Variants in NOM1 observed in about 807,000 individuals in gnomAD.
NOM1 encodes the protein nucleolar MIF4G domain-containing protein 1.
Under a neutral mutation model 73.3 loss-of-function variants are expected in NOM1, and 58 were observed. The observed-to-expected ratio is 0.79, with a 90% confidence interval of 0.64 to 0.99. The LOEUF is 0.99. NOM1 is among the 50% of genes least tolerant of loss of function. The pLI is 0.00. For missense variants in NOM1, 1,226 were observed against 1,131.9 expected (o/e 1.08, Z -1.19); for synonymous variants, 487 against 446.8 (o/e 1.09, Z -1.14).
rs186992408 is a variant in NOM1 at position 156,965,525 on chromosome 7, G to A, written c.2034-745G>A. 1.9e-3 allele frequency among the ~76,000 whole-genome samples: 291 copies of A among 152,324 alleles called. 3 individuals are homozygous for A. Among genetic ancestry groups the A allele is most frequent in the Admixed American group, 2.6e-3 (40 of 15,298 alleles). ...CACGGGTGATGGAGAGTTCTGTTTCGGCATTGCCGGTGGTGACCTGACCAT... is the reference window on the plus strand; with the variant it reads ...CACGGGTGATGGAGAGTTCTGTTTCAGCATTGCCGGTGGTGACCTGACCAT... On this transcript the variant is annotated intron_variant, in intron 7 of 10. Transcript: ENST00000275820.
At position 156,959,765 on chromosome 7, in the gene NOM1, A is replaced by G; in HGVS notation, c.1309-86A>G. On this transcript the variant is annotated intron_variant, in intron 3 of 10. Coordinates refer to ENST00000275820, the MANE Select transcript of NOM1 (RefSeq NM_138400.2). The stretch of plus-strand genomic sequence containing the variant: ...TGCCCTGCCTTGTGGCACTTTGTTA[A>G]TTTAGAAAGTGCCAGTTCTGTGTGT... The G allele has an allele frequency of 3.0e-6, 4 of 1,321,764 alleles. No homozygotes were observed. The South Asian group carries it at 5.2e-5, about 17-fold the overall frequency. 81.9% of individuals were successfully genotyped at this position (1,321,764 alleles called of 1,614,324 possible). A position where few individuals can be genotyped will look rare whatever the true frequency, so the allele number is the denominator to read the frequency against.
At chr7:156,963,442 G>A (rs1173012734) in intron 6 of NOM1, 6 of 517,368 alleles carry the variant, frequency 1.2e-5, no homozygotes, top group African/African-American at 5.8e-5. Flanking sequence ...GAACGCTCAC[G>A]GGGCAGGAGT....
chr7:156,966,481 A>G (rs1805001739), intron 8 of NOM1, 79 bp downstream of exon 8: 19 of 1,546,154 alleles, frequency 1.2e-5, no homozygotes, highest in South Asian at 3.4e-5. Context: ...CCCACCTGCA[A>G]AGGAGTTCCC....
chr7:156,952,357 C>G, intron 1 of NOM1, 117 bp from the exon 2 acceptor site: 1 of 1,027,058 alleles, frequency 9.7e-7, no homozygotes, highest in Non-Finnish European at 1.4e-6. Flanking sequence ...CAGCAATGAT[C>G]AGTAGCAGCT....
chr7:156,958,359 C>T (rs540211630), intron 3 of NOM1, among the ~76,000 whole-genome samples: 2 of 152,344 alleles, frequency 1.3e-5, no homozygotes, highest in South Asian at 2.1e-4. Context: ...TCACACACTG[C>T]CATGCGTTGC....
Position 156,960,008 on chromosome 7 carries a change from A to C in NOM1, c.1466A>C (p.Lys489Thr). The C allele has an allele frequency of 6.2e-7, 1 of 1,614,146 alleles. No individual in the cohort carries two copies. Among genetic ancestry groups the C allele is most frequent in the Non-Finnish European group, 8.5e-7 (1 of 1,180,028 alleles). Reference protein sequence around the residue: ...QSLLIFDILKKLIGTFTEKDI... With the variant: ...QSLLIFDILKTLIGTFTEKDI... ...CTCCTCATCTTCGACATTTTGAAAAAACTGATTGGAACTTTCACCGAAAAA... is the reference window on the plus strand; with the variant it reads ...CTCCTCATCTTCGACATTTTGAAAACACTGATTGGAACTTTCACCGAAAAA... Residue 489 changes from lysine to threonine, a missense_variant, in exon 4 of 11, where the codon AAA (lysine) becomes ACA (threonine). Physicochemically the swap from Lys to Thr is moderately conservative, Grantham distance 78 (BLOSUM62 -1). Coordinates refer to ENST00000275820, the MANE Select transcript of NOM1 (RefSeq NM_138400.2).
chr7:156,961,274 G>T (rs923267811), intron 4 of NOM1, among the ~76,000 whole-genome samples: 1 of 152,190 alleles, frequency 6.6e-6, no homozygotes, highest in Non-Finnish European at 1.5e-5. Context: ...ATTCACGCCC[G>T]TGTGGGATGC....
rs139889366 is a variant in NOM1 at position 156,959,981 on chromosome 7, C to T, written c.1439C>T (p.Ser480Phe). 1.3e-5 allele frequency: 21 copies of T among 1,614,024 alleles called. No homozygotes were observed. The highest frequency in any genetic ancestry group is 1.8e-5 in the Non-Finnish European group (21 of 1,180,018). ...TTATACAACTTCCACGTGGTACAGT[C>T]TCTCCTCATCTTCGACATTTTGAAA... ...AHLYNFHVVQSLLIFDILKKL... is the reference protein window; with the variant it reads ...AHLYNFHVVQFLLIFDILKKL... Residue 480 changes from serine to phenylalanine, a missense_variant, in exon 4 of 11, where the codon TCT becomes TTT. Physicochemically the swap from Ser to Phe is radical, Grantham distance 155 (BLOSUM62 -2). Transcript: ENST00000275820.
At chr7:156,969,405 G>A (rs1805084240) in intron 10 of NOM1, 124 bp from the exon 11 acceptor site, 30 of 872,484 alleles carry the variant, frequency 3.4e-5, no homozygotes, top group Non-Finnish European at 5.0e-5. Flanking sequence ...ATGTTAAGAA[G>A]TTCTTAATTG....
rs1805125758 is a variant in NOM1 at position 156,970,880 on chromosome 7, G to C, written c.*1177G>C. ...GATATTCATCTCCTCACCAATTCCA[G>C]ATTGTAAATGTACCATCTTAAACAA... On this transcript the variant is annotated 3_prime_UTR_variant, in exon 11 of 11. Transcript: ENST00000275820. The C allele has an allele frequency of 6.8e-6, 1 of 147,482 alleles. No individual in the cohort carries two copies. Among genetic ancestry groups the C allele is most frequent in the African/African-American group, 2.5e-5 (1 of 40,024 alleles). The allele number at this position is 147,482 out of a possible 1,614,324, so 9.1% of individuals were successfully genotyped here.
intron 3 of NOM1, among the ~76,000 whole-genome samples, chr7:156,956,508 T>G (rs757316789): frequency 5.9e-5 from 9 of 152,252 alleles, no homozygotes; most frequent in Non-Finnish European, 1.3e-4. Context: ...CTGGCTGGCT[T>G]TTCCTACCAC....
rs754630434 is a variant in NOM1 at position 156,966,978 on chromosome 7, C to T, written c.2184C>T (p.Ser728=). 20 of 1,613,598 alleles carry T rather than the reference C, an allele frequency of 1.2e-5. No individual in the cohort carries two copies. Among genetic ancestry groups the T allele is most frequent in the Non-Finnish European group, 1.5e-5 (18 of 1,179,938 alleles). Residue 728 remains serine, a synonymous_variant, in exon 9 of 11, where the codon AGC becomes AGT. Coordinates refer to ENST00000275820, the MANE Select transcript of NOM1 (RefSeq NM_138400.2). ...ERRFQMTFQF[S]IWDKFRDLEN... ...GATACTAGATGACTTTCCAGTTCAGCATATGGGACAAATTTCGGGACTTGG... is the reference window on the plus strand; with the variant it reads ...GATACTAGATGACTTTCCAGTTCAGTATATGGGACAAATTTCGGGACTTGG...
chr7:156,970,926 A>G lies in NOM1; in HGVS notation c.*1223A>G, dbSNP rs1274252845. The G allele has an allele frequency of 6.6e-6, 1 of 152,190 alleles. No homozygotes were observed. Among genetic ancestry groups the G allele is most frequent in the African/African-American group, 2.4e-5 (1 of 41,444 alleles). The allele number at this position is 152,190 out of a possible 1,614,324, so 9.4% of individuals were successfully genotyped here. A position where few individuals can be genotyped will look rare whatever the true frequency, so the allele number is the denominator to read the frequency against. Reference sequence around the variant, plus strand: ...AACAACTCTGAGGTCACCAAACAGTAGTTATTTGACTGTTAATAGGTGCTA... The same window carrying G: ...AACAACTCTGAGGTCACCAAACAGTGGTTATTTGACTGTTAATAGGTGCTA... On this transcript the variant is annotated 3_prime_UTR_variant, in exon 11 of 11. Transcript: ENST00000275820.
At chr7:156,967,707 T>G (rs1474551474) in intron 9 of NOM1, among the ~76,000 whole-genome samples, 4 of 152,094 alleles carry the variant, frequency 2.6e-5, no homozygotes, top group Non-Finnish European at 5.9e-5. Flanking sequence ...GTATTTTTAA[T>G]AGAGACGGGA....
At position 156,972,404 on chromosome 7, in the gene NOM1, AAAC is replaced by A. The variant is rs1805160652; in HGVS notation, c.*2704_*2706del. The A allele has an allele frequency of 6.9e-6, 1 of 145,510 alleles. No homozygotes were observed. Among genetic ancestry groups the A allele is most frequent in the Non-Finnish European group, 1.5e-5 (1 of 66,096 alleles). 9.0% of individuals were successfully genotyped at this position (145,510 alleles called of 1,614,324 possible). ...TTTTCTGCAAAAGATGAATTTCTATAAACAATCCCATTTTTATATTTTATTATT... is the reference window on the plus strand; with the variant it reads ...TTTTCTGCAAAAGATGAATTTCTATAAATCCCATTTTTATATTTTATTATT... On this transcript the variant is annotated 3_prime_UTR_variant, in exon 11 of 11. Coordinates refer to ENST00000275820, the MANE Select transcript of NOM1 (RefSeq NM_138400.2).
At chr7:156,966,107 C>T (rs1804989122) in intron 7 of NOM1, 163 bp from the exon 8 acceptor site, 1 of 773,526 alleles carries the variant, frequency 1.3e-6, no homozygotes, top group South Asian at 1.7e-5. Context: ...GAGGTTGTGA[C>T]AGGGCTGGGC....
Position 156,963,106 on chromosome 7 carries a change from C to G in NOM1, c.1842C>G (p.Ser614=). 1 of 1,614,164 alleles carries G rather than the reference C, an allele frequency of 6.2e-7. No individual in the cohort carries two copies. Among genetic ancestry groups the G allele is most frequent in the East Asian group, 2.2e-5 (1 of 44,870 alleles). Reference sequence around the variant, plus strand: ...CGGGTCGCTGGTGGATTGTGGGGTCCGCCTGGAGTGGGGCCCCGATGATCG... The same window carrying G: ...CGGGTCGCTGGTGGATTGTGGGGTCGGCCTGGAGTGGGGCCCCGATGATCG... The part of the protein sequence containing the change: ...EQTGRWWIVG[S]AWSGAPMIDN... The change falls in exon 6 of 11, where the codon TCC becomes TCG. Residue 614 remains serine (S), a synonymous_variant. Coordinates refer to ENST00000275820, the MANE Select transcript of NOM1 (RefSeq NM_138400.2).
rs534253640 is a variant in NOM1, at chr7:156,949,945, G to A, written c.208G>A (p.Ala70Thr). ...TCCCGGGGGTTGCGAGGGGCGCGGC[G>A]CCCCGGTGAGCTTTCGCCCGGGAGG... ...EAPGGCEGRG[A>T]PVSFRPGGRK... is the part of the protein sequence containing the mutation. Residue 70 changes from alanine (A) to threonine (T), a missense_variant, in exon 1 of 11, where the codon GCC (alanine) becomes ACC (threonine). Coordinates refer to ENST00000275820, the MANE Select transcript of NOM1 (RefSeq NM_138400.2). The A allele has an allele frequency of 2.6e-6, 4 of 1,541,700 alleles. No homozygotes were observed. Among genetic ancestry groups the A allele is most frequent in the Non-Finnish European group, 3.5e-6 (4 of 1,146,222 alleles).
In NOM1 at chr7:156,963,840, G is replaced by A. The variant is rs2134792238; in HGVS notation, c.1912-65G>A. On this transcript the variant is annotated intron_variant, in intron 6 of 10. Transcript: ENST00000275820. ...TTCAGTGACACTGAAGTACAGTTTGGCACCTCTCGGGAGGCAGTTTGCATG... is the reference window on the plus strand; with the variant it reads ...TTCAGTGACACTGAAGTACAGTTTGACACCTCTCGGGAGGCAGTTTGCATG... 17 of 1,561,334 alleles carry A rather than the reference G, an allele frequency of 1.1e-5. No individual in the cohort carries two copies. In the South Asian group the frequency reaches 1.9e-4, roughly 17 times the overall value.
Sources: gnomAD v4.1 joint callset for allele counts (sites outside exome capture counted in the v4.1 genomes callset) on GRCh38, gnomAD v4.1.1 for gene constraint, MANE v1.5 for transcripts, NCBI Gene and HGNC (gene_info 2026-07-23, HGNC 2026-07-21) for gene names.